Variants in RIMS2 observed in about 807,000 individuals in gnomAD.
RIMS2 encodes the protein regulating synaptic membrane exocytosis 2.
In RIMS2, 59 loss-of-function variants were observed where a neutral mutation model predicts 174.4. The observed-to-expected ratio is 0.34, with a 90% CI of 0.27 to 0.42. RIMS2 has a LOEUF of 0.42. RIMS2 is among the 10% of genes least tolerant of loss of function. The pLI is 1.00. For missense variants in RIMS2, 1,620 were observed against 1,666.3 expected (o/e 0.97, Z 0.48); for synonymous variants, 606 against 572.5 (o/e 1.06, Z -0.84).
At chr8:103,819,222 A>G (rs1215520087) in intron 3 of RIMS2, 1 of 1,235,194 alleles carries the variant, frequency 8.1e-7, no homozygotes, top group Non-Finnish European at 1.0e-6. Context: ...TCAGCTTCAC[A>G]CTTCAGCTGG....
chr8:103,531,470 G>A (rs1837105528), intron 1 of RIMS2, among the ~76,000 whole-genome samples: 1 of 152,184 alleles, frequency 6.6e-6, no homozygotes, highest in Admixed American at 6.5e-5. Flanking sequence ...CTGGGTTGCT[G>A]AACACCTGGA....
intron 19 of RIMS2, among the ~76,000 whole-genome samples, chr8:104,172,077 C>CTTTATGGTATATACT (rs2135474800): frequency 6.6e-6 from 1 of 152,226 alleles, no homozygotes; most frequent in East Asian, 1.9e-4. Context: ...ACTTTATGTA[C>CTTTATGGTATATACT]TTAATTTTTC....
At chr8:103,779,838 C>T (rs1052641817) in intron 3 of RIMS2, among the ~76,000 whole-genome samples, 4 of 150,588 alleles carry the variant, frequency 2.7e-5, no homozygotes, top group Non-Finnish European at 5.9e-5. Flanking sequence ...ACCAACATGG[C>T]ACATATATAC....
At chr8:104,184,621 C>T (rs1488381309) in intron 19 of RIMS2, among the ~76,000 whole-genome samples, 1 of 151,460 alleles carries the variant, frequency 6.6e-6, no homozygotes, top group Non-Finnish European at 1.5e-5. Context: ...TTTAGAACTG[C>T]TTCCAAATAG....
At chr8:103,831,930 G>A (rs1011781274) in intron 3 of RIMS2, among the ~76,000 whole-genome samples, 1 of 152,328 alleles carries the variant, frequency 6.6e-6, no homozygotes, top group East Asian at 1.9e-4. Context: ...CTCACAAAGA[G>A]CCTCAGAGTC....
intron 3 of RIMS2, among the ~76,000 whole-genome samples, chr8:103,803,646 T>A (rs1208363742): frequency 1.3e-5 from 2 of 152,142 alleles, no homozygotes; most frequent in Non-Finnish European, 2.9e-5. Context: ...ATGGCAAAGA[T>A]GTTGGGATAG....
intron 19 of RIMS2, among the ~76,000 whole-genome samples, chr8:104,021,169 T>G: frequency 6.6e-6 from 1 of 152,244 alleles, no homozygotes; most frequent in East Asian, 1.9e-4. Context: ...CTTCATCTTT[T>G]ATAAAGAATG....
chr8:103,614,658 A>G (rs1040714009), intron 1 of RIMS2, among the ~76,000 whole-genome samples: 1 of 152,222 alleles, frequency 6.6e-6, no homozygotes, highest in Non-Finnish European at 1.5e-5. Flanking sequence ...CGTGGTGAGT[A>G]CAGCAACCCT....
At chr8:103,864,605 A>C (rs2099075804) in intron 3 of RIMS2, among the ~76,000 whole-genome samples, 1 of 152,196 alleles carries the variant, frequency 6.6e-6, no homozygotes, top group Admixed American at 6.5e-5. Context: ...GACCTGACAC[A>C]TGGTAAAAAA....
chr8:103,569,635 A>G (rs1241766560), intron 1 of RIMS2, among the ~76,000 whole-genome samples: 1 of 151,618 alleles, frequency 6.6e-6, no homozygotes, highest in Non-Finnish European at 1.5e-5. Flanking sequence ...TTGTTTAAAG[A>G]TACAGGGTCT....
At chr8:103,931,041 G>T (rs564963134) in intron 11 of RIMS2, among the ~76,000 whole-genome samples, 11 of 151,998 alleles carry the variant, frequency 7.2e-5, no homozygotes, top group Non-Finnish European at 1.2e-4. Context: ...ATAATAAAAA[G>T]CCCACATGCT....
intron 19 of RIMS2, among the ~76,000 whole-genome samples, chr8:104,165,234 G>A (rs1345240519): frequency 6.6e-6 from 1 of 152,048 alleles, no homozygotes; most frequent in Non-Finnish European, 1.5e-5. Flanking sequence ...CAAGTGGTGT[G>A]CATTATTTGT....
At chr8:103,968,070 A>T (rs571572665) in intron 15 of RIMS2, among the ~76,000 whole-genome samples, 3 of 152,212 alleles carry the variant, frequency 2.0e-5, no homozygotes, top group South Asian at 4.2e-4. Context: ...CATGTTGGCC[A>T]GGCTGGTCTC....
chr8:104,052,311 G>A (rs983199960), intron 19 of RIMS2, among the ~76,000 whole-genome samples: 1 of 152,016 alleles, frequency 6.6e-6, no homozygotes, highest in African/African-American at 2.4e-5. Flanking sequence ...GATTTTATAT[G>A]TTACTCAAAT....
chr8:103,535,171 C>G (rs1839201258), intron 1 of RIMS2, among the ~76,000 whole-genome samples: 1 of 152,178 alleles, frequency 6.6e-6, no homozygotes, highest in African/African-American at 2.4e-5. Context: ...AGAACTTTCT[C>G]TTTGTGAAAT....
At chr8:104,039,777 A>C (rs931656311) in intron 19 of RIMS2, among the ~76,000 whole-genome samples, 3 of 151,758 alleles carry the variant, frequency 2.0e-5, no homozygotes, top group African/African-American at 7.2e-5. Flanking sequence ...TTTGAGAAGC[A>C]GGTGGATTGA....
intron 19 of RIMS2, among the ~76,000 whole-genome samples, chr8:104,077,163 G>C (rs1239780843): frequency 6.6e-6 from 1 of 152,128 alleles, no homozygotes; most frequent in South Asian, 2.1e-4. Context: ...TAAAGTCTTA[G>C]AGCAGAGCTT....
intron 12 of RIMS2, among the ~76,000 whole-genome samples, chr8:103,935,172 G>C (rs751641544): frequency 6.6e-6 from 1 of 152,206 alleles, no homozygotes; most frequent in Non-Finnish European, 1.5e-5. Flanking sequence ...GGGAGAGAAA[G>C]ATCATACATC....
At chr8:103,699,548 G>A (rs563712105) in intron 2 of RIMS2, among the ~76,000 whole-genome samples, 1 of 151,778 alleles carries the variant, frequency 6.6e-6, no homozygotes, top group African/African-American at 2.4e-5. Context: ...TTGTTTTATT[G>A]ATTTTTCTTT....
Sources: allele counts gnomAD v4.1 joint callset (sites outside exome capture counted in the v4.1 genomes callset), GRCh38; gene constraint gnomAD v4.1.1; transcripts MANE v1.5; gene names NCBI Gene and HGNC (gene_info 2026-07-23, HGNC 2026-07-21).